Variants in SNX29 observed in about 807,000 individuals in gnomAD.
SNX29 encodes sorting nexin-29.
Under a neutral mutation model 102.1 loss-of-function variants are expected in SNX29, and 78 were observed. The ratio of observed to expected loss-of-function variants is 0.76; its 90% confidence interval spans 0.64 to 0.92. SNX29 has a LOEUF of 0.92. Among genes scored for constraint, SNX29 ranks in the 40% least tolerant of loss-of-function variants. The pLI is 0.00. For synonymous variants in SNX29, 580 were observed against 414.5 expected (o/e 1.40, Z -4.85); for missense variants, 1,280 against 1,061.7 (o/e 1.21, Z -2.86).
intron 18 of SNX29, among the ~76,000 whole-genome samples, chr16:12,474,070 G>T (rs1295348728): frequency 1.3e-5 from 2 of 152,138 alleles, no homozygotes; most frequent in Non-Finnish European, 2.9e-5. Context: ...CTGGATTGGA[G>T]CCCCTGTCTG....
intron 18 of SNX29, among the ~76,000 whole-genome samples, chr16:12,434,033 G>A (rs2085425720): frequency 6.6e-6 from 1 of 152,128 alleles, no homozygotes; most frequent in Admixed American, 6.5e-5. Flanking sequence ...AACCTCCCAT[G>A]CTTGTTCTCT....
In SNX29 at chr16:12,238,613, C is replaced by T. The variant is rs146331892; in HGVS notation, c.1678+38930C>T. ...TGCTGGGATTACAGGCTTGAGCCAC[C>T]GCGTCCGGCCTTGAATAGGTACTTG... is the stretch of plus-strand genomic sequence containing the variant. On this transcript the variant is annotated intron_variant, in intron 14 of 20. Transcript: ENST00000566228. 6.3e-3 allele frequency among the ~76,000 whole-genome samples: 963 copies of T among 152,310 alleles called. 8 individuals carry two copies. The highest frequency in any genetic ancestry group is 0.022 in the African/African-American group (894 of 41,566).
At chr16:11,999,667 C>T (rs2056216505) in intron 2 of SNX29, among the ~76,000 whole-genome samples, 1 of 152,132 alleles carries the variant, frequency 6.6e-6, no homozygotes, top group Non-Finnish European at 1.5e-5. Context: ...TTTGGGAGGT[C>T]AAGGTGACCG....
At chr16:12,310,729 T>C (rs1596856083) in intron 15 of SNX29, among the ~76,000 whole-genome samples, 1 of 152,136 alleles carries the variant, frequency 6.6e-6, no homozygotes, top group East Asian at 1.9e-4. Context: ...CGTAAACATA[T>C]GTCAAAACTT....
intron 15 of SNX29, among the ~76,000 whole-genome samples, chr16:12,332,819 T>G (rs954338310): frequency 6.6e-6 from 1 of 152,082 alleles, no homozygotes; most frequent in African/African-American, 2.4e-5. Context: ...CTGCTCCTCT[T>G]TCATTTCGTC....
Position 12,524,821 on chromosome 16 carries a change from C to T in SNX29, c.2298C>T (p.Ile766=). 1 of 1,613,656 alleles carries T rather than the reference C, an allele frequency of 6.2e-7. No homozygotes were observed. Among genetic ancestry groups the T allele is most frequent in the Non-Finnish European group, 8.5e-7 (1 of 1,179,750 alleles). Reference sequence around the variant, plus strand: ...CCAGCCCCAAGAAGGAGACCCTCATCCAGCTGATGCCCTTCTTCGTGTAAG... The same window carrying T: ...CCAGCCCCAAGAAGGAGACCCTCATTCAGCTGATGCCCTTCTTCGTGTAAG... The part of the protein sequence containing the change: ...FAASPKKETL[I]QLMPFFVDIT... The change falls in exon 20 of 21, where the codon ATC becomes ATT. Residue 766 remains isoleucine, a synonymous_variant. Coordinates refer to ENST00000566228, the MANE Select transcript of SNX29 (RefSeq NM_032167.5).
intron 18 of SNX29, among the ~76,000 whole-genome samples, chr16:12,403,911 T>G (rs1258168636): frequency 6.6e-6 from 1 of 152,160 alleles, no homozygotes; most frequent in East Asian, 1.9e-4. Flanking sequence ...TGCTGCTTGG[T>G]GACCCTCTCA....
At chr16:12,285,163 G>A (rs540810775) in intron 15 of SNX29, among the ~76,000 whole-genome samples, 9 of 152,194 alleles carry the variant, frequency 5.9e-5, no homozygotes, top group Non-Finnish European at 8.8e-5. Flanking sequence ...GTATCCGTAT[G>A]TAATCAGTAG....
chr16:12,567,694 C>G (rs779476294), intron 20 of SNX29, among the ~76,000 whole-genome samples: 5 of 152,092 alleles, frequency 3.3e-5, no homozygotes, highest in Admixed American at 2.0e-4. Flanking sequence ...CCCAGGAGAT[C>G]GAGGCTGCAG....
intron 18 of SNX29, among the ~76,000 whole-genome samples, chr16:12,431,716 C>G (rs2085324383): frequency 6.6e-6 from 1 of 152,100 alleles, no homozygotes; most frequent in Non-Finnish European, 1.5e-5. Context: ...TTCAGAGTGT[C>G]AAGAATTGAG....
chr16:12,331,017 T>C (rs916527437), intron 15 of SNX29, among the ~76,000 whole-genome samples: 4 of 152,250 alleles, frequency 2.6e-5, no homozygotes, highest in African/African-American at 9.6e-5. Flanking sequence ...TCTCATCTTC[T>C]TTGGGCCTCT....
chr16:12,256,871 T>G lies in SNX29; in HGVS notation c.1679-21062T>G, dbSNP rs560056380. Among the ~76,000 whole-genome samples, 4 of 152,358 alleles carry G rather than the reference T, an allele frequency of 2.6e-5. No individual in the cohort carries two copies. The East Asian group carries it at 5.8e-4, about 22-fold the overall frequency. On this transcript the variant is annotated intron_variant, in intron 14 of 20. Coordinates refer to ENST00000566228, the MANE Select transcript of SNX29 (RefSeq NM_032167.5). ...TACTGGCCTCCTCCACTTGGACTTATGATAGCTAAAGCAGAACATCTGCTT... is the reference window on the plus strand; with the variant it reads ...TACTGGCCTCCTCCACTTGGACTTAGGATAGCTAAAGCAGAACATCTGCTT...
At chr16:12,292,499 C>G (rs1200101607) in intron 15 of SNX29, among the ~76,000 whole-genome samples, 1 of 152,174 alleles carries the variant, frequency 6.6e-6, no homozygotes, top group Non-Finnish European at 1.5e-5. Context: ...TCTTAAGTCC[C>G]CAGCCAGTCA....
chr16:12,557,809 T>TC (rs1249011309), intron 20 of SNX29: 1 of 152,238 alleles, frequency 6.6e-6, no homozygotes, highest in African/African-American at 2.4e-5. Flanking sequence ...CACTATCATA[T>TC]CTGCAGTCTG....
chr16:12,520,467 C>G (rs2090055642), intron 19 of SNX29, among the ~76,000 whole-genome samples: 2 of 152,222 alleles, frequency 1.3e-5, no homozygotes, highest in Non-Finnish European at 2.9e-5. Flanking sequence ...GCAAGTTCCT[C>G]ACCTTTCTGA....
At chr16:12,490,973 T>C (rs1275857006) in intron 19 of SNX29, among the ~76,000 whole-genome samples, 1 of 152,246 alleles carries the variant, frequency 6.6e-6, no homozygotes, top group Non-Finnish European at 1.5e-5. Flanking sequence ...CATATGATTA[T>C]GAGAGGGTTT....
intron 13 of SNX29, among the ~76,000 whole-genome samples, chr16:12,157,706 C>G (rs544230676): frequency 6.6e-6 from 1 of 152,300 alleles, no homozygotes; most frequent in South Asian, 2.1e-4. Flanking sequence ...AGTGAAGAAT[C>G]CAGGAACTGA....
chr16:12,123,070 G>A (rs112352205), intron 11 of SNX29, among the ~76,000 whole-genome samples: 45 of 152,202 alleles, frequency 3.0e-4, no homozygotes, highest in Admixed American at 3.9e-4. Context: ...CAAGTGATCT[G>A]CCTGCCTCAG....
rs564195173 is a variant in SNX29 at position 12,411,897 on chromosome 16, A to G, written c.2037+8368A>G. ...ACCACTTGACTTGTGATAAGCAATT[A>G]AGCCTGGAAGGAAACGGAAAAAGAT... On this transcript the variant is annotated intron_variant, in intron 18 of 20. Coordinates refer to ENST00000566228, the MANE Select transcript of SNX29 (RefSeq NM_032167.5). Among the ~76,000 whole-genome samples, 3 of 152,332 alleles carry G rather than the reference A, an allele frequency of 2.0e-5. No homozygotes were observed. In the East Asian group the frequency reaches 5.8e-4, roughly 29 times the overall value.
Sources: allele counts gnomAD v4.1 joint callset (sites outside exome capture counted in the v4.1 genomes callset), GRCh38; gene constraint gnomAD v4.1.1; transcripts MANE v1.5; gene names NCBI Gene and HGNC (gene_info 2026-07-23, HGNC 2026-07-21).